The following LIPA variants were observed in gnomAD, a reference collection of about 807,000 sequenced individuals.
The protein encoded by LIPA is lysosomal acid lipase/cholesteryl ester hydrolase.
LIPA carries 26 observed loss-of-function variants against 40.6 expected under a neutral mutation model. The observed-to-expected ratio is 0.64, with a 90% CI of 0.47 to 0.89. LIPA has a LOEUF of 0.89. LIPA is among the 40% of genes least tolerant of loss of function. The pLI, the probability that LIPA is intolerant of heterozygous loss-of-function variation, is 0.00. For missense variants in LIPA, 455 were observed against 479.6 expected, an observed-to-expected ratio of 0.95 and a Z score of 0.48; for synonymous variants, 188 against 168.4, an observed-to-expected ratio of 1.12 and a Z score of -0.90.
chr10:89,302,111 T>C lies in LIPA; in HGVS notation c.-2+40500A>G, dbSNP rs565775259. On this transcript the variant is annotated intron_variant, in intron 1 of 5. Coordinates refer to the LIPA transcript ENST00000282673. ...CCGAGCCCTGCCGAACAGCTGAGAATTGCACTGCAACCATGAGGTAAATAT... is the reference window on the plus strand; with the variant it reads ...CCGAGCCCTGCCGAACAGCTGAGAACTGCACTGCAACCATGAGGTAAATAT... 70 of 1,613,860 alleles carry C rather than the reference T, an allele frequency of 4.3e-5. No homozygotes were observed. In the Admixed American group the frequency reaches 1.0e-3, roughly 23 times the overall value.
At chr10:89,365,790 GTT>G (rs2133594625) in intron 2 of LIPA, among the ~76,000 whole-genome samples, 1 of 152,300 alleles carries the variant, frequency 6.6e-6, no homozygotes, top group South Asian at 2.1e-4. Flanking sequence ...TGAGGGCTCT[GTT>G]CTGTTCCATT....
chr10:89,280,501 G>T (rs1011821690), intron 1 of LIPA, among the ~76,000 whole-genome samples: 2 of 152,222 alleles, frequency 1.3e-5, no homozygotes, highest in Admixed American at 1.3e-4. Context: ...TGCACTCAGA[G>T]TGACGGTCTC....
At chr10:89,262,398 A>T (rs145623999) in intron 1 of LIPA, among the ~76,000 whole-genome samples, 22 of 152,254 alleles carry the variant, frequency 1.4e-4, no homozygotes, top group Admixed American at 2.0e-4. Context: ...TCCATTCAGC[A>T]CTTGTTGGAG....
intron 1 of LIPA, among the ~76,000 whole-genome samples, chr10:89,303,798 G>A (rs1003231876): frequency 6.6e-6 from 1 of 152,224 alleles, no homozygotes; most frequent in Non-Finnish European, 1.5e-5. Flanking sequence ...AACTCAACTG[G>A]AAGTTGGAAA....
intron 1 of LIPA, chr10:89,301,827 G>A (rs899544501): frequency 1.6e-5 from 5 of 309,914 alleles, no homozygotes; most frequent in Admixed American, 4.7e-5. Context: ...GCACCAGGCC[G>A]ATGAAACATC....
At chr10:89,226,127 C>G (rs933018417) in intron 5 of LIPA, among the ~76,000 whole-genome samples, 1 of 152,152 alleles carries the variant, frequency 6.6e-6, no homozygotes, top group African/African-American at 2.4e-5. Context: ...GGGCAAAGGT[C>G]CCAAGCAGGC....
chr10:89,232,698 G>A (rs1842857254), intron 3 of LIPA, among the ~76,000 whole-genome samples: 1 of 152,220 alleles, frequency 6.6e-6, no homozygotes, highest in Admixed American at 6.5e-5. Flanking sequence ...GCCAGCACAT[G>A]GGACCAGGAC....
At chr10:89,353,261 C>T (rs1350383231) in intron 2 of LIPA, among the ~76,000 whole-genome samples, 1 of 152,196 alleles carries the variant, frequency 6.6e-6, no homozygotes, top group Non-Finnish European at 1.5e-5. Flanking sequence ...GACAAGTGGG[C>T]TCAAGCATGT....
intron 1 of LIPA, among the ~76,000 whole-genome samples, chr10:89,290,631 T>C (rs1843368621): frequency 6.6e-6 from 1 of 152,196 alleles, no homozygotes; most frequent in Non-Finnish European, 1.5e-5. Context: ...ACTGATGACA[T>C]TACCTTGTGA....
chr10:89,296,641 T>C (rs570514634), intron 1 of LIPA, among the ~76,000 whole-genome samples: 2 of 152,184 alleles, frequency 1.3e-5, no homozygotes, highest in Non-Finnish European at 2.9e-5. Context: ...GGAAGGATAG[T>C]TTCTTTTTCC....
intron 1 of LIPA, among the ~76,000 whole-genome samples, chr10:89,310,798 G>T (rs1464360576): frequency 5.3e-5 from 8 of 152,302 alleles, no homozygotes; most frequent in Admixed American, 4.6e-4. Context: ...TTCTCCTCTG[G>T]TTCTCTGTAG....
At chr10:89,244,767 A>G (rs1198696743) in intron 3 of LIPA, among the ~76,000 whole-genome samples, 2 of 152,272 alleles carry the variant, frequency 1.3e-5, no homozygotes, top group East Asian at 1.9e-4. Flanking sequence ...ATATATATGT[A>G]TATATATACT....
intron 8 of LIPA, among the ~76,000 whole-genome samples, chr10:89,220,782 AAGG>A (rs1842688463): frequency 6.6e-6 from 1 of 152,172 alleles, no homozygotes; most frequent in South Asian, 2.1e-4. Context: ...GCAACTGAAG[AAGG>A]AGATGAAAGT....
intron 1 of LIPA, chr10:89,292,077 A>G (rs1843378110): frequency 1.3e-5 from 2 of 152,248 alleles, no homozygotes; most frequent in African/African-American, 2.4e-5. Flanking sequence ...CAGGAACACC[A>G]GCCTTGGACA....
In LIPA at chr10:89,214,641, GA is replaced by G. The variant is rs1245488940; in HGVS notation, c.*186del. On this transcript the variant is annotated 3_prime_UTR_variant, in exon 10 of 10. Coordinates refer to ENST00000336233, the MANE Select transcript of LIPA (RefSeq NM_000235.4). ...GCTTCCTATTCCAGCCCTAATTAAAGAAAAAATAGCTAGTATGTTTCTAATT... is the reference window on the plus strand; with the variant it reads ...GCTTCCTATTCCAGCCCTAATTAAAGAAAAATAGCTAGTATGTTTCTAATT... 2 of 572,328 alleles carry G rather than the reference GA, an allele frequency of 3.5e-6. No homozygotes were observed. The highest frequency in any genetic ancestry group is 1.9e-5 in the African/African-American group (1 of 53,206). The allele number at this position is 572,328 out of a possible 1,614,324, so 35.5% of individuals were successfully genotyped here.
intron 8 of LIPA, among the ~76,000 whole-genome samples, chr10:89,220,577 A>C (rs1842685710): frequency 6.6e-6 from 1 of 152,222 alleles, no homozygotes. Flanking sequence ...TGTGCTGTTC[A>C]GCACGTCATG....
intron 1 of LIPA, among the ~76,000 whole-genome samples, chr10:89,248,587 G>C (rs995943826): frequency 1.3e-5 from 2 of 150,726 alleles, no homozygotes; most frequent in Non-Finnish European, 3.0e-5. Context: ...CCATTCTCCT[G>C]CCTCAGACTC....
chr10:89,279,854 A>AT (rs1447083860), intron 1 of LIPA, among the ~76,000 whole-genome samples: 1 of 152,176 alleles, frequency 6.6e-6, no homozygotes, highest in African/African-American at 2.4e-5. Context: ...GATTTAAGAC[A>AT]TGGTGTGAAG....
chr10:89,306,126 TG>T, intron 1 of LIPA: 1 of 1,614,144 alleles, frequency 6.2e-7, no homozygotes, highest in Non-Finnish European at 8.5e-7. Context: ...TGCAACCTAC[TG>T]GCCTATCTAA....
Sources: gnomAD v4.1 joint callset for allele counts (sites outside exome capture counted in the v4.1 genomes callset) on GRCh38, gnomAD v4.1.1 for gene constraint, MANE v1.5 for transcripts, NCBI Gene and HGNC (gene_info 2026-07-23, HGNC 2026-07-21) for gene names.